The following TTN variants were observed in gnomAD, a reference collection of about 807,000 sequenced individuals.
The protein encoded by TTN is connectin.
TTN carries 1,525 observed loss-of-function variants against 3,223.0 expected under a neutral mutation model. The observed-to-expected ratio is 0.47, with a 90% CI of 0.45 to 0.49. The LOEUF (loss-of-function observed/expected upper bound fraction) is 0.49. Among genes scored for constraint, TTN ranks in the 20% least tolerant of loss-of-function variants. The pLI, the probability that TTN is intolerant of heterozygous loss-of-function variation, is 0.00. For synonymous variants in TTN, 14,094 were observed against 15,161.0 expected (o/e 0.93, Z 5.17); for missense variants, 40,786 against 43,424.0 (o/e 0.94, Z 5.40).
intron 47 of TTN, chr2:178,744,932 C>A: frequency 1.0e-6 from 1 of 985,110 alleles, no homozygotes; most frequent in African/African-American, 1.7e-5. Context: ...TCCCTTGAAG[C>A]CAGTGAGAAT....
chr2:178,639,939 A>T, intron 222 of TTN, 109 bp downstream of exon 222: 5 of 1,472,228 alleles, frequency 3.4e-6, no homozygotes, highest in Non-Finnish European at 4.7e-6. Flanking sequence ...GAGACGTTAG[A>T]AATCATTTGA....
Position 178,670,866 on chromosome 2 carries a change from G to A in TTN, c.35308+224C>T, listed in dbSNP as rs374425000. ...TTGGGCTCACTATTTGGTTACTAGA[G>A]ATATTTGCTTTGGTTGTTTTAGGTA... On this transcript the variant is annotated intron_variant, in intron 156 of 362. Coordinates refer to ENST00000589042, the MANE Select transcript of TTN (RefSeq NM_001267550.2). 2.3e-3 allele frequency among the ~76,000 whole-genome samples: 355 copies of A among 152,008 alleles called. 6 individuals are homozygous for A. In the South Asian group the frequency reaches 0.029, roughly 12 times the overall value.
intron 321 of TTN, 53 bp downstream of exon 321, chr2:178,578,558 T>C: frequency 7.3e-7 from 1 of 1,373,096 alleles, no homozygotes; most frequent in Non-Finnish European, 1.0e-6. Flanking sequence ...CTCAGGGAAA[T>C]ATTTGTGAGG....
At chr2:178,754,644 G>C (rs147969220) in intron 46 of TTN, among the ~76,000 whole-genome samples, 41 of 152,228 alleles carry the variant, frequency 2.7e-4, no homozygotes, top group Middle Eastern at 3.4e-3. Context: ...TACAGGACTT[G>C]TAGACAACAC....
Position 178,530,802 on chromosome 2 carries a change from T to C in TTN, c.105813A>G (p.Pro35271=). Residue 35271 remains proline (P), a synonymous_variant, in exon 358 of 363, where the codon CCA becomes CCG. Coordinates refer to ENST00000589042, the MANE Select transcript of TTN (RefSeq NM_001267550.2). ...PKAVSPTETK[P]TPTEKVQHLP... ...GGTGCTGAACTTTCTCTGTTGGTGT[T>C]GGTTTTGTCTCTGTGGGTGATACGG... 9 of 1,613,892 alleles carry C rather than the reference T, an allele frequency of 5.6e-6. No individual in the cohort carries two copies. Among genetic ancestry groups the C allele is most frequent in the Non-Finnish European group, 7.6e-6 (9 of 1,179,868 alleles).
In TTN at chr2:178,549,315, T is replaced by C. The variant is rs565582571; in HGVS notation, c.92311A>G (p.Ser30771Gly). The C allele has an allele frequency of 2.5e-6, 4 of 1,613,958 alleles. No individual in the cohort carries two copies. In the African/African-American group the frequency reaches 5.3e-5, roughly 22 times the overall value. Residue 30771 changes from serine to glycine, a missense_variant, in exon 339 of 363, where the codon AGC becomes GGC. Transcript: ENST00000589042. ...KKSTRWVKVISKRPISETRFK... is the reference protein window; with the variant it reads ...KKSTRWVKVIGKRPISETRFK... ...CTTGTTTCAGAGATTGGTCGTTTGC[T>C]GATCACTTTTACCCATCTTGTGCTT...
In TTN at chr2:178,581,578, G is replaced by A. The variant is rs1426804487; in HGVS notation, c.66690C>T (p.Phe22230=). 1.2e-6 allele frequency: 2 copies of A among 1,612,474 alleles called. No individual in the cohort carries two copies. The highest frequency in any genetic ancestry group is 2.2e-5 in the South Asian group (2 of 91,032). Residue 22230 remains phenylalanine (F), a synonymous_variant, in exon 316 of 363, where the codon TTC becomes TTT. Transcript: ENST00000589042. ...CAATCTTATTAACGGCATACACACG[G>A]AATTGATATTGTGTGTCTTCCATCA... ...TGLMEDTQYQ[F]RVYAVNKIGY... is the part of the protein sequence containing the mutation.
intron 138 of TTN, among the ~76,000 whole-genome samples, chr2:178,680,690 T>G (rs2069171091): frequency 6.6e-6 from 1 of 152,022 alleles, no homozygotes; most frequent in Non-Finnish European, 1.5e-5. Flanking sequence ...TGGAAACTGG[T>G]TAGCTTTAAA....
chr2:178,621,410 T>C (rs1399038106), intron 245 of TTN, 42 bp from the exon 246 acceptor site: 1 of 1,607,290 alleles, frequency 6.2e-7, no homozygotes. Context: ...CATATGTCTT[T>C]GTACTTTAAA....
Position 178,764,224 on chromosome 2 carries a change from G to C in TTN, c.10067C>G (p.Thr3356Ser). ...AAAACGGGCTGGCTGCCCTTCAGAA[G>C]TGACAGTGTCCTGAAGCGGGGTGAT... ...AIITPLQDTVTSEGQPARFQC... is the reference protein window; with the variant it reads ...AIITPLQDTVSSEGQPARFQC... The change falls in exon 43 of 363, where the codon ACT becomes AGT. Residue 3356 changes from threonine to serine, a missense_variant. Transcript: ENST00000589042. 6.2e-7 allele frequency: 1 copy of C among 1,614,142 alleles called. No homozygotes were observed. Among genetic ancestry groups the C allele is most frequent in the African/African-American group, 1.3e-5 (1 of 75,066 alleles).
chr2:178,746,202 T>C, intron 47 of TTN: 2 of 1,613,244 alleles, frequency 1.2e-6, no homozygotes, highest in Non-Finnish European at 1.7e-6. Context: ...ACTGAACATT[T>C]GAATACAGCA....
chr2:178,679,334 T>G lies in TTN; in HGVS notation c.33742+5A>C, dbSNP rs2068798031. 6.2e-7 allele frequency: 1 copy of G among 1,612,466 alleles called. No individual in the cohort carries two copies. The stretch of plus-strand genomic sequence containing the variant: ...CTATTCCACTGATGGATTATAAGGA[T>G]GTACCTTTTGCTGGCGGAGGCTTCT... On this transcript the variant is annotated splice_donor_5th_base_variant and intron_variant, in intron 142 of 362. Coordinates refer to ENST00000589042, the MANE Select transcript of TTN (RefSeq NM_001267550.2).
At chr2:178,723,782 A>G in intron 73 of TTN, 74 bp downstream of exon 73, 2 of 1,536,086 alleles carry the variant, frequency 1.3e-6, no homozygotes, top group Admixed American at 2.1e-5. Flanking sequence ...GCACTTTCAA[A>G]TGTTTGTCAA....
chr2:178,732,317 G>A lies in TTN; in HGVS notation c.16652C>T (p.Pro5551Leu), dbSNP rs762729065. ...ATCTCCCTTCTTTAACAGCTGTGATGGCTCTAACTTTTCAACAAATGTGGC... is the reference window on the plus strand; with the variant it reads ...ATCTCCCTTCTTTAACAGCTGTGATAGCTCTAACTTTTCAACAAATGTGGC... The part of the protein sequence containing the change: ...EPATFVEKLE[P>L]SQLLKKGDAT... The change falls in exon 57 of 363, where the codon CCA (proline) becomes CTA (leucine). Residue 5551 changes from proline to leucine, a missense_variant. Transcript: ENST00000589042. The A allele has an allele frequency of 6.2e-7, 1 of 1,606,090 alleles. No individual in the cohort carries two copies.
At position 178,590,797 on chromosome 2, in the gene TTN, G is replaced by A. The variant is rs200898955; in HGVS notation, c.60928C>T (p.Arg20310Cys). 2.4e-5 allele frequency: 39 copies of A among 1,606,876 alleles called. No individual in the cohort carries two copies. The East Asian group carries it at 4.0e-4, about 17-fold the overall frequency. ...GSPITGYYMERREVTGKWVRV... is the reference protein window; with the variant it reads ...GSPITGYYMECREVTGKWVRV... ...ACCCATTTGCCAGTTACTTCTCGAC[G>A]TTCCATATAGTAGCCAGTTATTGGA... Residue 20310 changes from arginine (R) to cysteine (C), a missense_variant, in exon 304 of 363, where the codon CGT becomes TGT. Transcript: ENST00000589042.
Position 178,747,218 on chromosome 2 carries a change from C to T in TTN, c.11312-5297G>A, listed in dbSNP as rs727503664. The stretch of plus-strand genomic sequence containing the variant: ...AGTCTCTCCTGGAGGTGTGGAGTAT[C>T]TCTCTAGTGTCTCCCCTGGGGGTGT... On this transcript the variant is annotated intron_variant, in intron 47 of 362. Coordinates refer to ENST00000589042, the MANE Select transcript of TTN (RefSeq NM_001267550.2). 34 of 1,611,988 alleles carry T rather than the reference C, an allele frequency of 2.1e-5. No individual in the cohort carries two copies. The South Asian group carries it at 3.7e-4, about 18-fold the overall frequency.
chr2:178,776,306 A>G lies in TTN; in HGVS notation c.5558T>C (p.Leu1853Pro). The G allele has an allele frequency of 1.2e-6, 2 of 1,614,024 alleles. No individual in the cohort carries two copies. Among genetic ancestry groups the G allele is most frequent in the Non-Finnish European group, 1.7e-6 (2 of 1,179,994 alleles). ...GCGGAACCTTGCAGTCTCCCCTTCA[A>G]GTACTCTAACTGGCTCTGGGTACAA... ...IVLYPEPVRV[L>P]EGETARFRCR... The change falls in exon 28 of 363, where the codon CTT becomes CCT. Residue 1853 changes from leucine (L) to proline (P), a missense_variant. Coordinates refer to ENST00000589042, the MANE Select transcript of TTN (RefSeq NM_001267550.2).
chr2:178,618,433 G>A lies in TTN; in HGVS notation c.47025C>T (p.Ser15675=). The stretch of plus-strand genomic sequence containing the variant: ...CAGTTAAAGGTTCTTCCCAAGCAAG[G>A]CTCACTTCACCATCAAATGTTTCTG... ...EVTETFDGEV[S]LAWEEPLTDG... is the part of the protein sequence containing the mutation. The change falls in exon 252 of 363, where the codon AGC becomes AGT. Residue 15675 remains serine (S), a synonymous_variant. Coordinates refer to ENST00000589042, the MANE Select transcript of TTN (RefSeq NM_001267550.2). 1.9e-6 allele frequency: 3 copies of A among 1,612,466 alleles called. No individual in the cohort carries two copies. The highest frequency in any genetic ancestry group is 2.5e-6 in the Non-Finnish European group (3 of 1,179,130).
rs1488016456 is a variant in TTN, at chr2:178,794,990, C to G, written c.1177G>C (p.Gly393Arg). 1 of 1,608,616 alleles carries G rather than the reference C, an allele frequency of 6.2e-7. No individual in the cohort carries two copies. The highest frequency in any genetic ancestry group is 1.3e-5 in the African/African-American group (1 of 74,936). ...CTGGCCGACACACTGGCGGCAGCAC[C>G]CGCAGCACCACTGATGGTCACTTGC... ...QEQVTISGAAGAAASVSASAS... is the reference protein window; with the variant it reads ...QEQVTISGAARAAASVSASAS... The change falls in exon 7 of 363, where the codon GGT becomes CGT. Residue 393 changes from glycine (G) to arginine (R), a missense_variant. Physicochemically the swap from Gly to Arg is moderately radical, Grantham distance 125. Coordinates refer to ENST00000589042, the MANE Select transcript of TTN (RefSeq NM_001267550.2).
Sources: allele counts gnomAD v4.1 joint callset (sites outside exome capture counted in the v4.1 genomes callset), GRCh38; gene constraint gnomAD v4.1.1; transcripts MANE v1.5; gene names NCBI Gene and HGNC (gene_info 2026-07-23, HGNC 2026-07-21).